The following ANO6 variants were observed in gnomAD, a reference collection of about 807,000 sequenced individuals.
ANO6 encodes the protein anoctamin-6.
A neutral mutation model predicts 117.5 loss-of-function variants in ANO6; 106 were observed. The ratio of observed to expected loss-of-function variants is 0.90; its 90% confidence interval spans 0.77 to 1.06. The LOEUF is 1.06. Among genes scored for constraint, ANO6 ranks in the 50% least tolerant of loss-of-function variants. The probability of loss-of-function intolerance (pLI) is 0.00; values close to 1 mark genes in which losing one functional copy is unlikely to be tolerated. For synonymous variants in ANO6, 367 were observed against 385.1 expected (o/e 0.95, Z 0.55); for missense variants, 955 against 1,121.1 (o/e 0.85, Z 2.12).
intron 1 of ANO6, among the ~76,000 whole-genome samples, chr12:45,295,817 C>T (rs1939274300): frequency 6.6e-6 from 1 of 151,876 alleles, no homozygotes; most frequent in Non-Finnish European, 1.5e-5. Flanking sequence ...CACCTGGCCT[C>T]CCAAAGTGCT....
intron 8 of ANO6, among the ~76,000 whole-genome samples, chr12:45,360,455 A>T (rs1211710748): frequency 6.6e-6 from 1 of 152,228 alleles, no homozygotes; most frequent in Non-Finnish European, 1.5e-5. Context: ...ATCACTTGTT[A>T]AAGTCTCCAC....
Position 45,231,976 on chromosome 12 carries a change from A to G in ANO6, c.70+15585A>G, listed in dbSNP as rs182589667. 2.0e-3 allele frequency among the ~76,000 whole-genome samples: 304 copies of G among 152,286 alleles called. 5 individuals carry two copies. The South Asian group carries it at 0.023, about 11-fold the overall frequency. On this transcript the variant is annotated intron_variant, in intron 1 of 19. Coordinates refer to ENST00000320560, the MANE Select transcript of ANO6 (RefSeq NM_001025356.3). ...ATCTTTACTAGATTATTTGGCAAAG[A>G]AAAAAATCATCTGAAAGCTGACTGG...
intron 16 of ANO6, 96 bp downstream of exon 16, chr12:45,409,583 A>G (rs2137658362): frequency 7.2e-7 from 1 of 1,392,280 alleles, no homozygotes; most frequent in Non-Finnish European, 1.0e-6. Context: ...AACATTTAGC[A>G]TATTGAAATG....
At chr12:45,291,278 G>A (rs1939085022) in intron 1 of ANO6, among the ~76,000 whole-genome samples, 1 of 150,438 alleles carries the variant, frequency 6.6e-6, no homozygotes, top group African/African-American at 2.4e-5. Context: ...TCCAGGAGGC[G>A]GAGGTTGCGG....
intron 7 of ANO6, among the ~76,000 whole-genome samples, chr12:45,354,618 CAT>C (rs1488019144): frequency 6.6e-6 from 1 of 152,094 alleles, no homozygotes; most frequent in Non-Finnish European, 1.5e-5. Flanking sequence ...AAGACAATCT[CAT>C]GTGTTTGAGC....
intron 15 of ANO6, among the ~76,000 whole-genome samples, chr12:45,405,963 C>T (rs949344350): frequency 1.3e-5 from 2 of 152,110 alleles, no homozygotes; most frequent in Non-Finnish European, 2.9e-5. Flanking sequence ...ATACCCACCC[C>T]CCAAAAATAG....
intron 9 of ANO6, among the ~76,000 whole-genome samples, chr12:45,377,129 C>T (rs1320035731): frequency 1.3e-5 from 2 of 151,130 alleles, no homozygotes; most frequent in African/African-American, 4.8e-5. Context: ...AATTTTCTTT[C>T]AGCATTTGAA....
Position 45,422,957 on chromosome 12 carries a change from G to C in ANO6, c.2421G>C (p.Arg807Ser). ...CAATATGTCTCCATTTTGTTTTCAG[G>C]TATCGTGATTTCCGATACCCACCTG... ...YSDLGNHTTC[R>S]YRDFRYPPGH... Residue 807 changes from arginine to serine, a missense_variant and splice_region_variant, in exon 19 of 20, where the codon AGG (arginine) becomes AGC (serine). Arg to Ser is a moderately radical substitution (Grantham distance 110, BLOSUM62 -1). Transcript: ENST00000320560. 3 of 1,605,202 alleles carry C rather than the reference G, an allele frequency of 1.9e-6. No individual in the cohort carries two copies. The highest frequency in any genetic ancestry group is 2.6e-6 in the Non-Finnish European group (3 of 1,171,926).
intron 1 of ANO6, among the ~76,000 whole-genome samples, chr12:45,220,576 G>A (rs995722398): frequency 6.6e-6 from 1 of 152,220 alleles, no homozygotes; most frequent in Non-Finnish European, 1.5e-5. Flanking sequence ...CTGAAAATGA[G>A]TAAGACATAC....
intron 2 of ANO6, among the ~76,000 whole-genome samples, chr12:45,330,974 A>G (rs753311414): frequency 3.4e-4 from 51 of 151,928 alleles, no homozygotes; most frequent in Non-Finnish European, 5.4e-4. Context: ...TTTTTTTACT[A>G]TGTTCGTTTT....
chr12:45,227,906 G>A (rs1173763401), intron 1 of ANO6, among the ~76,000 whole-genome samples: 1 of 152,164 alleles, frequency 6.6e-6, no homozygotes. Context: ...TAATTATTGT[G>A]TGTGTTTTTT....
chr12:45,253,755 G>A (rs552856359), intron 1 of ANO6, among the ~76,000 whole-genome samples: 1 of 152,298 alleles, frequency 6.6e-6, no homozygotes, highest in South Asian at 2.1e-4. Flanking sequence ...GTTCTTCCCA[G>A]CTTGCTGATG....
chr12:45,344,607 T>A (rs1941076053), intron 3 of ANO6, among the ~76,000 whole-genome samples: 2 of 152,072 alleles, frequency 1.3e-5, no homozygotes, highest in Admixed American at 1.3e-4. Context: ...ATCACCCCCA[T>A]CAGGCCCCTC....
At position 45,347,250 on chromosome 12, in the gene ANO6, C is replaced by CT. The variant is rs953540737; in HGVS notation, c.345+170dup. 61 of 645,908 alleles carry CT rather than the reference C, an allele frequency of 9.4e-5. No homozygotes were observed. The African/African-American group carries it at 1.1e-3, about 11-fold the overall frequency. The allele number at this position is 645,908 out of a possible 1,614,324, so 40.0% of individuals were successfully genotyped here. A position where few individuals can be genotyped will look rare whatever the true frequency, so the allele number is the denominator to read the frequency against. ...AAATCTGCATTGTGTAGGATGTATTCTTTTTTTCTGATCAAAACTAGCAGA... is the reference window on the plus strand; with the variant it reads ...AAATCTGCATTGTGTAGGATGTATTCTTTTTTTTCTGATCAAAACTAGCAGA... On this transcript the variant is annotated intron_variant, in intron 4 of 19. Transcript: ENST00000320560.
At chr12:45,339,437 TTTC>T (rs1369185899) in intron 3 of ANO6, among the ~76,000 whole-genome samples, 2 of 152,188 alleles carry the variant, frequency 1.3e-5, no homozygotes, top group South Asian at 2.1e-4. Flanking sequence ...GTGTTTATTT[TTTC>T]TTCTTTGAAA....
At chr12:45,368,209 G>A (rs1022999439) in intron 9 of ANO6, among the ~76,000 whole-genome samples, 1 of 152,122 alleles carries the variant, frequency 6.6e-6, no homozygotes, top group Non-Finnish European at 1.5e-5. Flanking sequence ...CGGGTTGAGC[G>A]TCCCTAATCC....
chr12:45,336,247 G>A (rs1313517543), intron 3 of ANO6, among the ~76,000 whole-genome samples: 4 of 151,844 alleles, frequency 2.6e-5, no homozygotes, highest in African/African-American at 9.7e-5. Context: ...TGATCATATG[G>A]CTTGGTTCCT....
intron 1 of ANO6, among the ~76,000 whole-genome samples, chr12:45,254,161 G>A (rs1050172823): frequency 2.0e-5 from 3 of 152,102 alleles, no homozygotes; most frequent in South Asian, 2.1e-4. Flanking sequence ...GCAAGACTCC[G>A]TCTCAAAAAA....
intron 19 of ANO6, among the ~76,000 whole-genome samples, chr12:45,425,215 T>C (rs1943472075): frequency 6.6e-6 from 1 of 152,086 alleles, no homozygotes; most frequent in Non-Finnish European, 1.5e-5. Flanking sequence ...TTTATGCAAA[T>C]CTGAAGAGAG....
Sources: gnomAD v4.1 joint callset for allele counts (sites outside exome capture counted in the v4.1 genomes callset) on GRCh38, gnomAD v4.1.1 for gene constraint, MANE v1.5 for transcripts, NCBI Gene and HGNC (gene_info 2026-07-23, HGNC 2026-07-21) for gene names.